SVIL: variants seen among roughly 807,000 people sequenced by gnomAD.
SVIL encodes the protein archvillin.
In SVIL, 101 loss-of-function variants were observed where a neutral mutation model predicts 240.4. The ratio of observed to expected loss-of-function variants is 0.42; its 90% confidence interval spans 0.36 to 0.50. The LOEUF is 0.50. Ranked by LOEUF, SVIL falls within the 20% of genes least tolerant of loss-of-function variation. The pLI is 0.01. For synonymous variants in SVIL, 999 were observed against 1,100.0 expected (o/e 0.91, Z 1.82); for missense variants, 2,512 against 2,818.7 (o/e 0.89, Z 2.46).
chr10:29,553,527 G>A (rs574631948), intron 5 of SVIL, among the ~76,000 whole-genome samples: 1 of 152,226 alleles, frequency 6.6e-6, no homozygotes, highest in South Asian at 2.1e-4. Context: ...GCTGCAGTGA[G>A]CCAAGATCTT....
chr10:29,473,995 A>G lies in SVIL; in HGVS notation c.5378-6T>C. 6.2e-7 allele frequency: 1 copy of G among 1,612,734 alleles called. No individual in the cohort carries two copies. Among genetic ancestry groups the G allele is most frequent in the African/African-American group, 1.3e-5 (1 of 75,032 alleles). On this transcript the variant is annotated splice_polypyrimidine_tract_variant and splice_region_variant and intron_variant, in intron 29 of 37. Coordinates refer to ENST00000355867, the MANE Select transcript of SVIL (RefSeq NM_021738.3). ...TCCCTTCTGGCGACTTCCCACTGCA[A>G]ACACAGAATGGCAGAGGGACAGGTC... is the stretch of plus-strand genomic sequence containing the variant.
intron 16 of SVIL, among the ~76,000 whole-genome samples, chr10:29,518,619 G>T (rs1216145799): frequency 1.3e-5 from 2 of 152,200 alleles, no homozygotes; most frequent in South Asian, 2.1e-4. Context: ...ACTTTGGGAG[G>T]CTGAGGCAGG....
chr10:29,683,817 A>T (rs760048907), intron 2 of SVIL, among the ~76,000 whole-genome samples: 3 of 152,122 alleles, frequency 2.0e-5, no homozygotes, highest in Non-Finnish European at 4.4e-5. Context: ...GGCTCCCCCA[A>T]CTTGCCCCAG....
At chr10:29,600,947 A>T (rs949107645) in intron 1 of SVIL, among the ~76,000 whole-genome samples, 1 of 152,206 alleles carries the variant, frequency 6.6e-6, no homozygotes, top group Admixed American at 6.5e-5. Flanking sequence ...CGCTTCTAGA[A>T]GTCAGATTTA....
chr10:29,600,907 G>A (rs1276563477), intron 1 of SVIL, among the ~76,000 whole-genome samples: 1 of 152,094 alleles, frequency 6.6e-6, no homozygotes, highest in Non-Finnish European at 1.5e-5. Flanking sequence ...GAAGTTCCGG[G>A]TTCTTTCTCA....
intron 2 of SVIL, among the ~76,000 whole-genome samples, chr10:29,677,231 G>A (rs1400743349): frequency 2.0e-5 from 3 of 152,150 alleles, no homozygotes; most frequent in African/African-American, 7.2e-5. Flanking sequence ...CCACAAAGAT[G>A]CATTCACTTT....
chr10:29,639,947 C>T (rs940720722), upstream of SVIL, among the ~76,000 whole-genome samples: 12 of 152,214 alleles, frequency 7.9e-5, no homozygotes, highest in African/African-American at 2.4e-4. Context: ...ACTTTTCTGG[C>T]GCTTTGGGGA....
intron 1 of SVIL, among the ~76,000 whole-genome samples, chr10:29,575,674 G>A (rs1355222395): frequency 6.9e-6 from 1 of 145,258 alleles, no homozygotes; most frequent in Non-Finnish European, 1.5e-5. Flanking sequence ...GGCTACCTTT[G>A]CCGGCTGAAA....
chr10:29,552,596 A>G (rs1953478978), intron 5 of SVIL, among the ~76,000 whole-genome samples: 1 of 151,376 alleles, frequency 6.6e-6, no homozygotes, highest in Admixed American at 6.6e-5. Context: ...CCATATTTGG[A>G]AATCTATTTT....
At chr10:29,670,638 G>A (rs879251804) in intron 2 of SVIL, among the ~76,000 whole-genome samples, 21 of 147,442 alleles carry the variant, frequency 1.4e-4, no homozygotes, top group Non-Finnish European at 2.2e-4. Context: ...GCTGCTCTAA[G>A]ATTTATAGGT....
At chr10:29,527,700 C>T (rs1362383603) in intron 12 of SVIL, among the ~76,000 whole-genome samples, 3 of 145,966 alleles carry the variant, frequency 2.1e-5, no homozygotes, top group Non-Finnish European at 3.0e-5. Context: ...GCTGGGATTA[C>T]AGGTGTAAGC....
intron 1 of SVIL, among the ~76,000 whole-genome samples, chr10:29,619,862 T>C (rs539466252): frequency 4.5e-4 from 68 of 152,334 alleles, no homozygotes; most frequent in African/African-American, 1.5e-3. Context: ...AAAAAGATTA[T>C]TGCAAACTAC....
At chr10:29,505,397 T>C (rs902658083) in intron 17 of SVIL, among the ~76,000 whole-genome samples, 2 of 151,984 alleles carry the variant, frequency 1.3e-5, no homozygotes, top group African/African-American at 4.8e-5. Flanking sequence ...GAATCGTAAA[T>C]GCATATTACT....
intron 1 of SVIL, among the ~76,000 whole-genome samples, chr10:29,724,986 G>C (rs1964206505): frequency 7.9e-6 from 1 of 125,846 alleles, no homozygotes; most frequent in Admixed American, 9.9e-5. Context: ...CCAAGATCAT[G>C]TCACTGCACT....
intron 16 of SVIL, 82 bp from the exon 17 acceptor site, chr10:29,512,943 C>A (rs898600022): frequency 1.2e-5 from 18 of 1,533,792 alleles, no homozygotes; most frequent in Non-Finnish European, 1.5e-5. Context: ...GTAAGAGAGG[C>A]GGCTTGGGCC....
chr10:29,566,101 A>G (rs1954940180), intron 2 of SVIL, among the ~76,000 whole-genome samples: 1 of 152,096 alleles, frequency 6.6e-6, no homozygotes, highest in Admixed American at 6.6e-5. Flanking sequence ...GGTCAATAAC[A>G]TCAGTCATAA....
intron 1 of SVIL, chr10:29,602,117 T>G: frequency 2.7e-6 from 1 of 364,770 alleles, no homozygotes; most frequent in Non-Finnish European, 5.5e-6. Flanking sequence ...AATATTTTGC[T>G]TTTAACAATT....
intron 29 of SVIL, among the ~76,000 whole-genome samples, chr10:29,479,307 A>C (rs1946571933): frequency 1.3e-5 from 2 of 152,086 alleles, no homozygotes; most frequent in South Asian, 4.2e-4. Context: ...GTCCAGCTCC[A>C]CTCCCTGCTA....
At position 29,465,790 on chromosome 10, in the gene SVIL, C is replaced by T. The variant is rs772550457; in HGVS notation, c.5978-40G>A. The T allele has an allele frequency of 2.5e-6, 4 of 1,594,798 alleles. No individual in the cohort carries two copies. In the Admixed American group the frequency reaches 7.0e-5, roughly 28 times the overall value. On this transcript the variant is annotated intron_variant, in intron 33 of 37. Transcript: ENST00000355867. ...AGAACAAAGCTGAAGATATCATGTGCATCAAAGTAAATTCCAGATGAAGAA... is the reference window on the plus strand; with the variant it reads ...AGAACAAAGCTGAAGATATCATGTGTATCAAAGTAAATTCCAGATGAAGAA...
Sources: allele counts gnomAD v4.1 joint callset (sites outside exome capture counted in the v4.1 genomes callset), GRCh38; gene constraint gnomAD v4.1.1; transcripts MANE v1.5; gene names NCBI Gene and HGNC (gene_info 2026-07-23, HGNC 2026-07-21).